The following BEST1 variants were observed in gnomAD, a reference collection of about 807,000 sequenced individuals.
BEST1 encodes the protein bestrophin-1.
Under a neutral mutation model 63.3 loss-of-function variants are expected in BEST1, and 58 were observed. The observed-to-expected ratio is 0.92, with a 90% CI of 0.74 to 1.14. The LOEUF is 1.14. Ranked by LOEUF, BEST1 falls within the 50% of genes most tolerant of loss-of-function variation. The pLI, the probability that BEST1 is intolerant of heterozygous loss-of-function variation, is 0.00. For missense variants in BEST1, 671 were observed against 740.1 expected, an observed-to-expected ratio of 0.91 and a Z score of 1.08; for synonymous variants, 283 against 291.6, an observed-to-expected ratio of 0.97 and a Z score of 0.30.
At chr11:61,952,943 A>G (rs1345781984) in intron 2 of BEST1, among the ~76,000 whole-genome samples, 2 of 151,634 alleles carry the variant, frequency 1.3e-5, no homozygotes, top group Non-Finnish European at 2.9e-5. Flanking sequence ...CTCTACCAAA[A>G]ATTTAAAAAA....
chr11:61,956,630 C>A (rs1191699399), intron 4 of BEST1, among the ~76,000 whole-genome samples: 8 of 152,162 alleles, frequency 5.3e-5, no homozygotes, highest in Non-Finnish European at 8.8e-5. Context: ...GCACTCCAAC[C>A]TCGGTGACAG....
downstream of BEST1, chr11:61,965,223 A>C (rs574498507): frequency 5.0e-6 from 8 of 1,591,710 alleles, no homozygotes; most frequent in African/African-American, 1.1e-4. Context: ...TGCCTAATTT[A>C]GTTTAGATGG....
At position 61,964,321 on chromosome 11, in the gene BEST1, A is replaced by G. The variant is rs1942377757; in HGVS notation, c.*199A>G. 2.9e-6 allele frequency: 3 copies of G among 1,043,476 alleles called. No homozygotes were observed. The highest frequency in any genetic ancestry group is 4.1e-6 in the Non-Finnish European group (3 of 734,670). The allele number at this position is 1,043,476 out of a possible 1,614,324, so 64.6% of individuals were successfully genotyped here. ...ATGCCTTTTATTCATAAAAACTGTG[A>G]AAGCTAGACTGAACCATTGGAAACA... is the stretch of plus-strand genomic sequence containing the variant. On this transcript the variant is annotated 3_prime_UTR_variant, in exon 11 of 11. Coordinates refer to ENST00000378043, the MANE Select transcript of BEST1 (RefSeq NM_004183.4).
intron 9 of BEST1, chr11:61,961,773 C>T (rs964747495): frequency 5.3e-5 from 10 of 187,504 alleles, no homozygotes; most frequent in African/African-American, 1.2e-4. Flanking sequence ...GATAAGCTTT[C>T]CCTTGCAGGG....
chr11:61,956,973 C>T lies in BEST1; in HGVS notation c.611C>T (p.Pro204Leu). The T allele has an allele frequency of 6.2e-7, 1 of 1,614,128 alleles. No individual in the cohort carries two copies. Among genetic ancestry groups the T allele is most frequent in the Non-Finnish European group, 8.5e-7 (1 of 1,180,028 alleles). ...KAWLGGRIRD[P>L]ILLQSLLNEM... ...TGGCTTGGAGGTCGAATCCGGGACCCTATCCTGCTCCAGAGCCTGCTGAAC... is the reference window on the plus strand; with the variant it reads ...TGGCTTGGAGGTCGAATCCGGGACCTTATCCTGCTCCAGAGCCTGCTGAAC... Residue 204 changes from proline to leucine, a missense_variant, in exon 5 of 11, where the codon CCT becomes CTT. Pro to Leu is a moderately conservative substitution (Grantham distance 98, BLOSUM62 -3). Coordinates refer to ENST00000378043, the MANE Select transcript of BEST1 (RefSeq NM_004183.4).
rs149195832 is a variant in BEST1 at position 61,954,854 on chromosome 11, C to T, written c.153-253C>T. The T allele has an allele frequency of 7.7e-5, 76 of 985,464 alleles. No individual in the cohort carries two copies. In the African/African-American group the frequency reaches 1.2e-3, roughly 16 times the overall value. 61.0% of individuals were successfully genotyped at this position (985,464 alleles called of 1,614,324 possible). Reference sequence around the variant, plus strand: ...CTGCAGCAGGACCTTCCTTCCTACACATCTCCCAGTGGCCAGTGTGAGGAT... The same window carrying T: ...CTGCAGCAGGACCTTCCTTCCTACATATCTCCCAGTGGCCAGTGTGAGGAT... On this transcript the variant is annotated intron_variant, in intron 2 of 10. Coordinates refer to ENST00000378043, the MANE Select transcript of BEST1 (RefSeq NM_004183.4).
intron 7 of BEST1, 73 bp from the exon 8 acceptor site, chr11:61,959,424 GC>G: frequency 7.0e-7 from 1 of 1,422,890 alleles, no homozygotes; most frequent in Non-Finnish European, 9.9e-7. Flanking sequence ...AATAGCAGCA[GC>G]TGAGGTTTAA....
chr11:61,962,267 G>A lies in BEST1; in HGVS notation c.1113G>A (p.Glu371=). Residue 371 remains glutamate (E), a synonymous_variant, in exon 10 of 11, where the codon GAG becomes GAA. Transcript: ENST00000378043. ...TGTTTCTTTCCAGCCTGAACAAAGA[G>A]GAGATGGAGTTCCAGCCCAATCAGG... The part of the protein sequence containing the change: ...GSTFNISLNK[E]EMEFQPNQED... 6.2e-7 allele frequency: 1 copy of A among 1,614,104 alleles called. No homozygotes were observed. Among genetic ancestry groups the A allele is most frequent in the African/African-American group, 1.3e-5 (1 of 75,030 alleles).
In BEST1 at chr11:61,961,868, T is replaced by A. The variant is rs1165679037; in HGVS notation, c.1101-387T>A. 3 of 224,762 alleles carry A rather than the reference T, an allele frequency of 1.3e-5. No homozygotes were observed. The Admixed American group carries it at 1.5e-4, about 11-fold the overall frequency. 13.9% of individuals were successfully genotyped at this position (224,762 alleles called of 1,614,324 possible). On this transcript the variant is annotated intron_variant, in intron 9 of 10. Coordinates refer to ENST00000378043, the MANE Select transcript of BEST1 (RefSeq NM_004183.4). ...GTCACTCCCAGTTGGAACCACAAAT[T>A]CCTGGCATTGCCCAGAGTCACTCAT...
intron 4 of BEST1, among the ~76,000 whole-genome samples, chr11:61,956,431 C>A (rs987619588): frequency 6.6e-5 from 10 of 152,082 alleles, no homozygotes; most frequent in Admixed American, 6.6e-4. Flanking sequence ...GTGGGAAGAT[C>A]GCTTGAGCCC....
At chr11:61,954,839 A>G (rs1941099572) in intron 2 of BEST1, 1 of 985,272 alleles carries the variant, frequency 1.0e-6, no homozygotes, top group South Asian at 4.7e-5. Context: ...CTGCAGCAGG[A>G]CCTTCCTTCC....
At chr11:61,963,992 A>G in intron 10 of BEST1, 112 bp from the exon 11 acceptor site, 1 of 353,992 alleles carries the variant, frequency 2.8e-6, no homozygotes, top group Non-Finnish European at 4.0e-6. Flanking sequence ...GACTGTCTCA[A>G]AAAAAAAAAA....
At chr11:61,955,679 C>T in intron 3 of BEST1, 39 bp from the exon 4 acceptor site, 1 of 1,529,188 alleles carries the variant, frequency 6.5e-7, no homozygotes, top group African/African-American at 1.4e-5. Flanking sequence ...TGGCCGCAGC[C>T]TGGCCCCTCG....
chr11:61,964,234 A>C lies in BEST1; in HGVS notation c.*112A>C. The C allele has an allele frequency of 6.3e-7, 1 of 1,576,326 alleles. No individual in the cohort carries two copies. Among genetic ancestry groups the C allele is most frequent in the East Asian group, 2.3e-5 (1 of 44,204 alleles). On this transcript the variant is annotated 3_prime_UTR_variant, in exon 11 of 11. Transcript: ENST00000378043. ...CTGTCCACACTGAAGAACATGTCCT[A>C]CAACAGCCTGAATCAAATGGTTAGC...
chr11:61,962,968 C>G, intron 10 of BEST1, 75 bp downstream of exon 10: 14 of 1,612,484 alleles, frequency 8.7e-6, no homozygotes, highest in South Asian at 1.1e-5. Context: ...CTGAGCCTAC[C>G]CTTCCTCCAC....
intron 9 of BEST1, chr11:61,960,391 G>A (rs1230681247): frequency 3.8e-5 from 14 of 364,432 alleles, no homozygotes; most frequent in Non-Finnish European, 7.3e-5. Flanking sequence ...TTCTTTTTGA[G>A]ACAGTATCTC....
At chr11:61,959,260 G>A (rs1941773591) in intron 7 of BEST1, 2 of 583,274 alleles carry the variant, frequency 3.4e-6, no homozygotes, top group Non-Finnish European at 6.2e-6. Flanking sequence ...ATACACTCAG[G>A]GACAGCTGTG....
rs1941272148 is a variant in BEST1 at position 61,955,862 on chromosome 11, A to G, written c.392A>G (p.Tyr131Cys). 6.4e-7 allele frequency: 1 copy of G among 1,550,544 alleles called. No homozygotes were observed. Among genetic ancestry groups the G allele is most frequent in the Non-Finnish European group, 8.7e-7 (1 of 1,146,898 alleles). The change falls in exon 4 of 11, where the codon TAC becomes TGC. Residue 131 changes from tyrosine to cysteine, a missense_variant. Physicochemically the swap from Tyr to Cys is radical, Grantham distance 194. Coordinates refer to ENST00000378043, the MANE Select transcript of BEST1 (RefSeq NM_004183.4). ...GRLLRRTLIR[Y>C]ANLGNVLILR... The stretch of plus-strand genomic sequence containing the variant: ...CTGCTGCGGCGCACGCTCATCCGCT[A>G]CGCCAACCTGGGCAACGTGCTCATC...
chr11:61,961,560 G>C (rs1198940347), intron 9 of BEST1: 1 of 153,700 alleles, frequency 6.5e-6, no homozygotes, highest in African/African-American at 2.4e-5. Flanking sequence ...TCCAAGGAAT[G>C]CACAATTTAT....
Sources: gnomAD v4.1 joint callset for allele counts (sites outside exome capture counted in the v4.1 genomes callset) on GRCh38, gnomAD v4.1.1 for gene constraint, MANE v1.5 for transcripts, NCBI Gene and HGNC (gene_info 2026-07-23, HGNC 2026-07-21) for gene names.